The following PALS2 variants were observed in gnomAD, a reference collection of about 807,000 sequenced individuals.
PALS2 encodes protein PALS2.
PALS2 carries 27 observed loss-of-function variants against 61.6 expected under a neutral mutation model. The observed-to-expected ratio is 0.44, with a 90% CI of 0.32 to 0.60. The LOEUF (loss-of-function observed/expected upper bound fraction) is 0.60, where lower values mean the gene tolerates loss of function less well. Among genes scored for constraint, PALS2 ranks in the 20% least tolerant of loss-of-function variants. The pLI is 0.05. For missense variants in PALS2, 554 were observed against 639.4 expected (o/e 0.87, Z 1.44); for synonymous variants, 236 against 218.6 (o/e 1.08, Z -0.70).
chr7:24,617,102 C>A (rs1784319933), intron 1 of PALS2, among the ~76,000 whole-genome samples: 1 of 151,926 alleles, frequency 6.6e-6, no homozygotes, highest in South Asian at 2.1e-4. Flanking sequence ...TTTTTGTCTG[C>A]CTTAGTTATT....
At chr7:24,654,702 C>A (rs1457287144) in intron 5 of PALS2, among the ~76,000 whole-genome samples, 1 of 152,068 alleles carries the variant, frequency 6.6e-6, no homozygotes, top group Non-Finnish European at 1.5e-5. Context: ...GAATTCCAGT[C>A]AAAACAGGGT....
intron 1 of PALS2, among the ~76,000 whole-genome samples, chr7:24,579,790 G>A (rs1782769114): frequency 6.6e-6 from 1 of 152,094 alleles, no homozygotes; most frequent in African/African-American, 2.4e-5. Context: ...AATTTCATTT[G>A]ATAAATCTAC....
At chr7:24,659,571 C>T (rs1233384772) in intron 5 of PALS2, among the ~76,000 whole-genome samples, 1 of 152,124 alleles carries the variant, frequency 6.6e-6, no homozygotes, top group African/African-American at 2.4e-5. Flanking sequence ...TCTTTTAAAT[C>T]TTGCTTTTTA....
At chr7:24,625,667 G>A (rs574778813) in intron 2 of PALS2, among the ~76,000 whole-genome samples, 1 of 152,296 alleles carries the variant, frequency 6.6e-6, no homozygotes, top group African/African-American at 2.4e-5. Flanking sequence ...TGCCATTGAT[G>A]TTGGTCTTTC....
chr7:24,606,317 G>A (rs1345282873), intron 1 of PALS2, among the ~76,000 whole-genome samples: 1 of 152,108 alleles, frequency 6.6e-6, no homozygotes, highest in Non-Finnish European at 1.5e-5. Flanking sequence ...CAGACTCCAA[G>A]ACACTGTGGC....
At chr7:24,661,589 A>G (rs929548744) in intron 5 of PALS2, among the ~76,000 whole-genome samples, 1 of 152,188 alleles carries the variant, frequency 6.6e-6, no homozygotes, top group African/African-American at 2.4e-5. Flanking sequence ...CTTGAGAAGT[A>G]AGGAGTATGC....
chr7:24,663,018 T>C (rs1786820117), intron 5 of PALS2, among the ~76,000 whole-genome samples: 1 of 152,206 alleles, frequency 6.6e-6, no homozygotes, highest in South Asian at 2.1e-4. Flanking sequence ...ACTTCTTCAG[T>C]ATTTGTCTTA....
intron 2 of PALS2, among the ~76,000 whole-genome samples, chr7:24,627,031 C>A (rs1169998720): frequency 6.6e-6 from 1 of 152,178 alleles, no homozygotes; most frequent in Non-Finnish European, 1.5e-5. Flanking sequence ...TAATAGACAT[C>A]TACAGAACTC....
rs551952740 is a variant in PALS2, at chr7:24,640,852, C to CA, written c.118-858dup. On this transcript the variant is annotated intron_variant, in intron 2 of 11. Coordinates refer to ENST00000222644, the MANE Select transcript of PALS2 (RefSeq NM_001303037.2). ...TGAAACCCTGTCTCTACTAAAAATACAAAAAATTAGCCAGGCTTGGTGGCG... is the reference window on the plus strand; with the variant it reads ...TGAAACCCTGTCTCTACTAAAAATACAAAAAAATTAGCCAGGCTTGGTGGCG... Among the ~76,000 whole-genome samples, 126 of 151,528 alleles carry CA rather than the reference C, an allele frequency of 8.3e-4. 3 individuals are homozygous for CA. In the East Asian group the frequency reaches 0.023, roughly 27 times the overall value.
Position 24,618,831 on chromosome 7 carries a change from G to C in PALS2, c.-2-4835G>C, listed in dbSNP as rs74918908. 6.6e-6 allele frequency among the ~76,000 whole-genome samples: 1 copy of C among 152,046 alleles called. No homozygotes were observed. Among genetic ancestry groups the C allele is most frequent in the South Asian group, 2.1e-4 (1 of 4,816 alleles). ...CCTCTCCACTTCCCTGCTGTACTTCGGCACTCTCCCTTCAACACTCCAGTC... is the reference window on the plus strand; with the variant it reads ...CCTCTCCACTTCCCTGCTGTACTTCCGCACTCTCCCTTCAACACTCCAGTC... On this transcript the variant is annotated intron_variant, in intron 1 of 11. Transcript: ENST00000222644. The surrounding 1 kb of genome is among the most constrained non-coding windows in gnomAD (Gnocchi z 5.1).
chr7:24,574,403 T>A (rs1233644302), intron 1 of PALS2: 1 of 152,164 alleles, frequency 6.6e-6, no homozygotes, highest in East Asian at 1.9e-4. Context: ...TTGGTAGATG[T>A]TTTTTTGCAG....
intron 1 of PALS2, among the ~76,000 whole-genome samples, chr7:24,599,601 T>G (rs997270880): frequency 7.4e-5 from 11 of 148,964 alleles, no homozygotes; most frequent in Non-Finnish European, 1.5e-4. Context: ...GCCTCCTGGG[T>G]TCCAGTGATT....
At chr7:24,665,555 A>G (rs773981440) in intron 6 of PALS2, 33 bp from the exon 7 acceptor site, 33 of 1,600,920 alleles carry the variant, frequency 2.1e-5, no homozygotes, top group Non-Finnish European at 2.4e-5. Context: ...AATTTTGGTC[A>G]CTGAGATGTA....
At chr7:24,595,555 T>TATAATATA (rs1783487279) in intron 1 of PALS2, among the ~76,000 whole-genome samples, 6 of 131,118 alleles carry the variant, frequency 4.6e-5, no homozygotes, top group South Asian at 2.2e-4. Flanking sequence ...TAAATATATA[T>TATAATATA]TAACTATATA....
intron 6 of PALS2, among the ~76,000 whole-genome samples, chr7:24,665,344 T>C (rs1243417204): frequency 6.6e-6 from 1 of 152,186 alleles, no homozygotes; most frequent in Non-Finnish European, 1.5e-5. Flanking sequence ...TTTAGCAATT[T>C]AATTTGTATT....
intron 2 of PALS2, 133 bp from the exon 3 acceptor site, chr7:24,641,583 A>G: frequency 1.5e-6 from 1 of 687,278 alleles, no homozygotes; most frequent in Non-Finnish European, 2.3e-6. Flanking sequence ...CTCTGGTTGA[A>G]GTATTAAATT....
At position 24,691,759 on chromosome 7, in the gene PALS2, A is replaced by G. The variant is rs932088514; in HGVS notation, c.*4145A>G. Reference sequence around the variant, plus strand: ...ATTTAAACTTTTGAATGAATCTTTAATATGATTCAGGCTGAGATTATGATA... The same window carrying G: ...ATTTAAACTTTTGAATGAATCTTTAGTATGATTCAGGCTGAGATTATGATA... On this transcript the variant is annotated 3_prime_UTR_variant, in exon 12 of 12. Coordinates refer to ENST00000222644, the MANE Select transcript of PALS2 (RefSeq NM_001303037.2). The G allele has an allele frequency of 5.3e-5, 8 of 152,038 alleles. No homozygotes were observed. The highest frequency in any genetic ancestry group is 1.2e-4 in the Non-Finnish European group (8 of 67,930). 9.4% of individuals were successfully genotyped at this position (152,038 alleles called of 1,614,324 possible). A position where few individuals can be genotyped will look rare whatever the true frequency, so the allele number is the denominator to read the frequency against.
At chr7:24,608,741 A>G (rs776837496) in intron 1 of PALS2, among the ~76,000 whole-genome samples, 1 of 152,128 alleles carries the variant, frequency 6.6e-6, no homozygotes, top group Admixed American at 6.6e-5. Flanking sequence ...ATCTGGGACT[A>G]CAGGCACATT....
intron 8 of PALS2, 79 bp from the exon 9 acceptor site, chr7:24,668,420 C>T: frequency 7.6e-7 from 1 of 1,318,604 alleles, no homozygotes; most frequent in Non-Finnish European, 1.0e-6. Context: ...ACAGCTAAGC[C>T]ATTACTAGAC....
Sources: gnomAD v4.1 joint callset for allele counts (sites outside exome capture counted in the v4.1 genomes callset) on GRCh38, gnomAD v4.1.1 for gene constraint, Gnocchi (gnomAD v3.1) non-coding constraint, MANE v1.5 for transcripts, NCBI Gene and HGNC (gene_info 2026-07-23, HGNC 2026-07-21) for gene names.